CCDC138: variants seen among roughly 807,000 people sequenced by gnomAD.
The protein encoded by CCDC138 is coiled-coil domain containing 138, also known as coiled-coil domain-containing protein 138.
In CCDC138, 66 loss-of-function variants were observed where a neutral mutation model predicts 82.3. The observed-to-expected ratio is 0.80, with a 90% CI of 0.66 to 0.98. The LOEUF (loss-of-function observed/expected upper bound fraction) is 0.98, where lower values mean the gene tolerates loss of function less well. CCDC138 is among the 50% of genes least tolerant of loss of function. The pLI, the probability that CCDC138 is intolerant of heterozygous loss-of-function variation, is 0.00. For synonymous variants in CCDC138, 297 were observed against 265.4 expected, an observed-to-expected ratio of 1.12 and a Z score of -1.16; for missense variants, 816 against 758.9, an observed-to-expected ratio of 1.08 and a Z score of -0.88.
chr2:108,875,482 A>G (rs962553600), intron 14 of CCDC138, among the ~76,000 whole-genome samples: 14 of 152,126 alleles, frequency 9.2e-5, no homozygotes, highest in Non-Finnish European at 1.8e-4. Flanking sequence ...AGGATGATCA[A>G]ATGTTTGTCT....
intron 4 of CCDC138, among the ~76,000 whole-genome samples, chr2:108,792,072 A>C (rs1316974259): frequency 1.3e-5 from 2 of 152,222 alleles, no homozygotes; most frequent in Non-Finnish European, 2.9e-5. Flanking sequence ...GTAGTATTTG[A>C]CTACAATATT....
chr2:108,787,636 A>G (rs897416210), intron 1 of CCDC138, among the ~76,000 whole-genome samples: 39 of 152,126 alleles, frequency 2.6e-4, no homozygotes, highest in African/African-American at 9.4e-4. Context: ...AAGAACGAGC[A>G]TTGATTGTAT....
chr2:108,853,520 A>G (rs1691883504), intron 12 of CCDC138, among the ~76,000 whole-genome samples: 1 of 150,608 alleles, frequency 6.6e-6, no homozygotes, highest in South Asian at 2.1e-4. Context: ...TGGTTTACTG[A>G]TAGCTTTCTT....
intron 10 of CCDC138, among the ~76,000 whole-genome samples, chr2:108,825,953 G>T (rs907263411): frequency 3.9e-5 from 6 of 152,160 alleles, no homozygotes; most frequent in African/African-American, 1.4e-4. Context: ...TGTCATCTCA[G>T]TGAGTATGAA....
rs70956282 is a variant in CCDC138, at chr2:108,860,935, C to CTTTTTTT, written c.1693+3982_1693+3988dup. ...GGCTGTGAATCCATCTGGTCCAGGA[C>CTTTTTTT]TTTTTTTTTTTTTTTTTTTTTTTGG... is the stretch of plus-strand genomic sequence containing the variant. On this transcript the variant is annotated intron_variant, in intron 13 of 14. Transcript: ENST00000295124. Among the ~76,000 whole-genome samples the CTTTTTTT allele has an allele frequency of 4.5e-3, 170 of 37,930 alleles. 57 individuals are homozygous for CTTTTTTT. The highest frequency in any genetic ancestry group is 0.017 in the East Asian group (18 of 1,090). 24.9% of individuals were successfully genotyped at this position (37,930 alleles called of 152,430 possible). A position where few individuals can be genotyped will look rare whatever the true frequency, so the allele number is the denominator to read the frequency against.
rs575370684 is a variant in CCDC138, at chr2:108,840,216, A to G, written c.1323+915A>G. On this transcript the variant is annotated intron_variant, in intron 11 of 14. Transcript: ENST00000295124. ...TTGGTTGTGGTGTTTAATTCTTTTT[A>G]TATGTTTTTATATTAACAAATTCTA... Among the ~76,000 whole-genome samples, 7 of 152,048 alleles carry G rather than the reference A, an allele frequency of 4.6e-5. No individual in the cohort carries two copies. The South Asian group carries it at 6.2e-4, about 14-fold the overall frequency.
chr2:108,878,988 T>C (rs1333642755), downstream of CCDC138, among the ~76,000 whole-genome samples: 1 of 151,900 alleles, frequency 6.6e-6, no homozygotes, highest in Admixed American at 6.6e-5. Context: ...AACAAAAATA[T>C]TTAGGATAAA....
In CCDC138 at chr2:108,788,018, C is replaced by CTT. The variant is rs5833305; in HGVS notation, c.94-4_94-3dup. 7,586 of 1,249,594 alleles carry CTT rather than the reference C, an allele frequency of 6.1e-3. 12 individuals are homozygous for CTT. Among genetic ancestry groups the CTT allele is most frequent in the South Asian group, 0.032 (2,159 of 68,336 alleles). The allele number at this position is 1,249,594 out of a possible 1,614,324, so 77.4% of individuals were successfully genotyped here. A position where few individuals can be genotyped will look rare whatever the true frequency, so the allele number is the denominator to read the frequency against. On this transcript the variant is annotated splice_polypyrimidine_tract_variant and intron_variant, in intron 1 of 14. Transcript: ENST00000295124. ...TTTTAGTATACAAATTAAATCTTTT[C>CTT]TTTTTTTTTTTAGTATGATTTTTCA...
At chr2:108,880,819 A>G (rs775491399), downstream of CCDC138, among the ~76,000 whole-genome samples, 4 of 152,218 alleles carry the variant, frequency 2.6e-5, no homozygotes, top group Non-Finnish European at 4.4e-5. Context: ...GAGCTCTACC[A>G]TGGACATGTA....
At chr2:108,856,529 T>C (rs1692629234) in intron 12 of CCDC138, among the ~76,000 whole-genome samples, 1 of 152,214 alleles carries the variant, frequency 6.6e-6, no homozygotes, top group East Asian at 1.9e-4. Context: ...TTTTCTTCCT[T>C]AGTATTAAAA....
chr2:108,826,741 A>G (rs1307064269), intron 10 of CCDC138, among the ~76,000 whole-genome samples: 2 of 152,140 alleles, frequency 1.3e-5, no homozygotes, highest in African/African-American at 2.4e-5. Flanking sequence ...TGGCATTTTC[A>G]TATGAATTTC....
intron 3 of CCDC138, 111 bp downstream of exon 3, chr2:108,789,077 C>T: frequency 9.5e-7 from 1 of 1,051,748 alleles, no homozygotes; most frequent in Non-Finnish European, 1.4e-6. Context: ...AGTATGAGGA[C>T]AAGTATAAGG....
At chr2:108,803,465 C>G (rs898516043) in intron 6 of CCDC138, among the ~76,000 whole-genome samples, 3 of 152,114 alleles carry the variant, frequency 2.0e-5, no homozygotes, top group South Asian at 2.1e-4. Flanking sequence ...GTTTTAGAGA[C>G]AGAGTCTTGC....
At chr2:108,849,914 C>T (rs938393167) in intron 12 of CCDC138, among the ~76,000 whole-genome samples, 3 of 152,156 alleles carry the variant, frequency 2.0e-5, no homozygotes, top group Admixed American at 1.3e-4. Context: ...GTGTTCTCTC[C>T]AGTAGCTGCA....
At chr2:108,834,056 A>T (rs1688175069) in intron 10 of CCDC138, among the ~76,000 whole-genome samples, 1 of 150,054 alleles carries the variant, frequency 6.7e-6, no homozygotes, top group Non-Finnish European at 1.5e-5. Flanking sequence ...AATGTGGAGT[A>T]AACTTTTTGC....
intron 5 of CCDC138, among the ~76,000 whole-genome samples, chr2:108,797,511 G>T (rs1681105947): frequency 6.6e-6 from 1 of 152,150 alleles, no homozygotes; most frequent in Non-Finnish European, 1.5e-5. Context: ...CTCAGCAAAT[G>T]TAGATGGTTG....
At chr2:108,846,646 C>A in intron 11 of CCDC138, 92 bp from the exon 12 acceptor site, 1 of 1,142,752 alleles carries the variant, frequency 8.8e-7, no homozygotes, top group East Asian at 2.5e-5. Flanking sequence ...TACTGCATTC[C>A]AACCTGGGCA....
chr2:108,842,332 T>C (rs1689643247), intron 11 of CCDC138, among the ~76,000 whole-genome samples: 1 of 151,824 alleles, frequency 6.6e-6, no homozygotes, highest in Non-Finnish European at 1.5e-5. Context: ...AGCCAACCCA[T>C]CTGGCTGAAA....
intron 6 of CCDC138, among the ~76,000 whole-genome samples, chr2:108,799,843 T>G (rs1681597985): frequency 6.6e-6 from 1 of 152,176 alleles, no homozygotes; most frequent in African/African-American, 2.4e-5. Context: ...AGATAGTTTC[T>G]TGATCCATCT....
Sources: gnomAD v4.1 joint callset for allele counts (sites outside exome capture counted in the v4.1 genomes callset) on GRCh38, gnomAD v4.1.1 for gene constraint, MANE v1.5 for transcripts, NCBI Gene and HGNC (gene_info 2026-07-23, HGNC 2026-07-21) for gene names.